The following MAOB variants were observed in gnomAD, a reference collection of about 807,000 sequenced individuals.
The protein encoded by MAOB is monoamine oxidase B, also known as amine oxidase [flavin-containing] B.
A neutral mutation model predicts 41.9 loss-of-function variants in MAOB; 15 were observed. The observed-to-expected ratio is 0.36, with a 90% CI of 0.24 to 0.55. The LOEUF (loss-of-function observed/expected upper bound fraction) is 0.55. MAOB is among the 20% of genes least tolerant of loss of function. The pLI, the probability that MAOB is intolerant of heterozygous loss-of-function variation, is 0.86. For missense variants in MAOB, 345 were observed against 398.7 expected, an observed-to-expected ratio of 0.87 and a Z score of 1.15; for synonymous variants, 167 against 144.2, an observed-to-expected ratio of 1.16 and a Z score of -1.13.
intron 1 of MAOB, among the ~76,000 whole-genome samples, chrX:43,880,212 TTGAATGAATGAATAA>T (rs1348549799): frequency 8.9e-6 from 1 of 112,122 alleles, no homozygotes; most frequent in East Asian, 2.8e-4. Context: ...TAAATGTTCA[TTGAATGAATGAATAA>T]TGAATCAATG....
chrX:43,774,723 T>C lies in MAOB; in HGVS notation c.1235+452A>G, dbSNP rs145180659. ...TGGCATTTGAGGAAGTTTTACTGAG[T>C]CCTAACTCAGTATAAGGACACTTCT... On this transcript the variant is annotated intron_variant, in intron 12 of 14. Transcript: ENST00000378069. 6.8e-3 allele frequency among the ~76,000 whole-genome samples: 761 copies of C among 111,756 alleles called. 10 individuals are homozygous for C. The highest frequency in any genetic ancestry group is 0.024 in the African/African-American group (735 of 30,703).
intron 2 of MAOB, among the ~76,000 whole-genome samples, chrX:43,843,391 A>T: frequency 9.3e-6 from 1 of 107,448 alleles, no homozygotes; most frequent in Admixed American, 1.0e-4. Flanking sequence ...ACACACACAC[A>T]CACACACACA....
At chrX:43,828,919 T>C (rs1454670366) in intron 3 of MAOB, among the ~76,000 whole-genome samples, 2 of 112,259 alleles carry the variant, frequency 1.8e-5, no homozygotes, top group Non-Finnish European at 3.8e-5. Context: ...TGGTGCTTTG[T>C]ATCTATCAAA....
At chrX:43,806,592 A>G (rs2034664705) in intron 3 of MAOB, among the ~76,000 whole-genome samples, 1 of 109,954 alleles carries the variant, frequency 9.1e-6, no homozygotes, top group African/African-American at 3.3e-5. Context: ...TAGAGTTGCT[A>G]CTCACCCCTC....
chrX:43,829,621 T>C (rs1324018755), intron 3 of MAOB, among the ~76,000 whole-genome samples: 1 of 111,717 alleles, frequency 9.0e-6, no homozygotes, highest in East Asian at 2.8e-4. Context: ...CTCAAAGTGA[T>C]TCAAAGTTTC....
At chrX:43,807,706 C>A (rs2034684977) in intron 3 of MAOB, among the ~76,000 whole-genome samples, 2 of 112,284 alleles carry the variant, frequency 1.8e-5, no homozygotes, top group Non-Finnish European at 3.8e-5. Context: ...TCACTTTGAA[C>A]AGTGGCTGGC....
chrX:43,832,959 T>A (rs753619010), intron 3 of MAOB, among the ~76,000 whole-genome samples: 1 of 111,414 alleles, frequency 9.0e-6, no homozygotes, highest in Non-Finnish European at 1.9e-5. Context: ...GATCTTGAAC[T>A]CGATTTTTCC....
Position 43,853,286 on chromosome X carries a change from A to G in MAOB, c.47-9522T>C, listed in dbSNP as rs775077898. ...CCGTCTCAAAAAAAAAAAAAAAAAA[A>G]AAAGAAAAGAAAACGATGAAATGAG... On this transcript the variant is annotated intron_variant, in intron 1 of 14. Transcript: ENST00000378069. Among the ~76,000 whole-genome samples the G allele has an allele frequency of 5.6e-3, 606 of 107,998 alleles. 1 individual carries two copies. Among genetic ancestry groups the G allele is most frequent in the Non-Finnish European group, 7.6e-3 (394 of 52,075 alleles). The allele number at this position is 107,998 out of a possible 115,157, so 93.8% of individuals were successfully genotyped here. A position where few individuals can be genotyped will look rare whatever the true frequency, so the allele number is the denominator to read the frequency against.
chrX:43,786,525 G>A (rs932684398), intron 8 of MAOB, among the ~76,000 whole-genome samples: 4 of 111,806 alleles, frequency 3.6e-5, no homozygotes, highest in African/African-American at 1.3e-4. Context: ...TGCTGGGGCA[G>A]GAAAAGATGT....
intron 1 of MAOB, among the ~76,000 whole-genome samples, chrX:43,878,073 T>C (rs2035451536): frequency 8.9e-6 from 1 of 112,083 alleles, no homozygotes; most frequent in East Asian, 2.8e-4. Context: ...GTCCTACATG[T>C]GCATTCTTTC....
chrX:43,809,549 G>A (rs760721998), intron 3 of MAOB, among the ~76,000 whole-genome samples: 1 of 112,388 alleles, frequency 8.9e-6, no homozygotes, highest in Admixed American at 9.4e-5. Flanking sequence ...ACAGGAAAGA[G>A]CTATTGTTAG....
In MAOB at chrX:43,797,263, A is replaced by G. The variant is rs759066089; in HGVS notation, c.480T>C (p.Ser160=). ...CAAAGAGAGTGGCAAGCTGCTTTGC[A>G]GATCTGCACAGGAAGAAACAAGAGC... ...ELLDKLCWTE[S]AKQLATLFVN... is the part of the protein sequence containing the mutation. The change falls in exon 6 of 15, where the codon TCT becomes TCC. Residue 160 remains serine, a synonymous_variant. Transcript: ENST00000378069. 2.5e-6 allele frequency: 3 copies of G among 1,180,006 alleles called. No individual in the cohort carries two copies. The highest frequency in any genetic ancestry group is 3.4e-6 in the Non-Finnish European group (3 of 879,146).
chrX:43,840,893 G>GTT (rs749492144), intron 2 of MAOB, among the ~76,000 whole-genome samples: 5 of 92,108 alleles, frequency 5.4e-5, no homozygotes. Flanking sequence ...AGCTGCAGGA[G>GTT]TTTTTTTTTT....
intron 1 of MAOB, among the ~76,000 whole-genome samples, chrX:43,866,650 T>C (rs1415449288): frequency 1.8e-5 from 2 of 112,662 alleles, no homozygotes; most frequent in African/African-American, 6.5e-5. Flanking sequence ...GTGATAGTTG[T>C]GCAACAATGT....
intron 3 of MAOB, among the ~76,000 whole-genome samples, chrX:43,821,092 T>C (rs1472045333): frequency 1.8e-5 from 2 of 111,928 alleles, no homozygotes; most frequent in Non-Finnish European, 1.9e-5. Flanking sequence ...ATGATTTTAA[T>C]AAATACCACA....
chrX:43,875,009 A>C (rs898606041), intron 1 of MAOB, among the ~76,000 whole-genome samples: 1 of 112,256 alleles, frequency 8.9e-6, no homozygotes, highest in African/African-American at 3.2e-5. Flanking sequence ...TCAGTAAATA[A>C]ATGCATGCTG....
At chrX:43,782,214 A>G (rs2034342556) in intron 8 of MAOB, among the ~76,000 whole-genome samples, 1 of 111,335 alleles carries the variant, frequency 9.0e-6, no homozygotes, top group African/African-American at 3.3e-5. Context: ...GGTTTTTTGA[A>G]AAGATCAAAA....
chrX:43,842,053 A>T (rs1390934962), intron 2 of MAOB, among the ~76,000 whole-genome samples: 1 of 112,197 alleles, frequency 8.9e-6, no homozygotes, highest in Non-Finnish European at 1.9e-5. Flanking sequence ...CAGGAAAAAA[A>T]GCAAAAACAG....
chrX:43,843,357 T>TCTCACA (rs1314609255), intron 2 of MAOB, among the ~76,000 whole-genome samples: 3 of 83,729 alleles, frequency 3.6e-5, no homozygotes, highest in African/African-American at 8.7e-5. Flanking sequence ...TCTCTCTGTC[T>TCTCACA]CACACACACA....
Sources: allele counts gnomAD v4.1 joint callset (sites outside exome capture counted in the v4.1 genomes callset), GRCh38; gene constraint gnomAD v4.1.1; transcripts MANE v1.5; gene names NCBI Gene and HGNC (gene_info 2026-07-23, HGNC 2026-07-21).